Variants in MYPN observed in about 807,000 individuals in gnomAD.
MYPN encodes the protein myopalladin, also known as sarcomeric protein myopalladin, 145 kDa (MYOP).
Under a neutral mutation model 129.4 loss-of-function variants are expected in MYPN, and 63 were observed. That is an observed-to-expected ratio of 0.49 (90% CI 0.40 to 0.60). The LOEUF is 0.60. Among genes scored for constraint, MYPN ranks in the 20% least tolerant of loss-of-function variants. The probability of loss-of-function intolerance (pLI) is 0.00; values close to 1 mark genes in which losing one functional copy is unlikely to be tolerated. For synonymous variants in MYPN, 629 were observed against 600.9 expected (o/e 1.05, Z -0.68); for missense variants, 1,596 against 1,635.4 (o/e 0.98, Z 0.42).
chr10:68,166,815 GC>G, intron 10 of MYPN, 149 bp downstream of exon 10: 1 of 1,151,754 alleles, frequency 8.7e-7, no homozygotes, highest in African/African-American at 1.5e-5. Context: ...GATCGCTTGA[GC>G]CCAGGAATTC....
chr10:68,211,129 G>T lies in MYPN; in HGVS notation c.*674G>T. On this transcript the variant is annotated 3_prime_UTR_variant, in exon 20 of 20. Transcript: ENST00000358913. ...GCACTTATTTTGTGGCCAAAGCATG[G>T]CCTTACCAGCTTGTCTGCACTATTT... is the stretch of plus-strand genomic sequence containing the variant. 2.2e-6 allele frequency: 1 copy of T among 454,038 alleles called. No individual in the cohort carries two copies. Among genetic ancestry groups the T allele is most frequent in the South Asian group, 1.6e-5 (1 of 64,476 alleles). The allele number at this position is 454,038 out of a possible 1,614,324, so 28.1% of individuals were successfully genotyped here.
intron 7 of MYPN, among the ~76,000 whole-genome samples, chr10:68,160,148 C>A (rs10762190): frequency 0.41 from 61,588 of 151,882 alleles, 14,339 homozygotes; most frequent in Non-Finnish European, 0.53. Context: ...TGGCTCACAC[C>A]TGTAATCCCA....
rs1347026037 is a variant in MYPN, at chr10:68,118,450, A to C, written c.-1-2988A>C. On this transcript the variant is annotated intron_variant, in intron 1 of 19. Coordinates refer to ENST00000358913, the MANE Select transcript of MYPN (RefSeq NM_032578.4). ...TGAAGCAGAATTTGGAATTAGATCT[A>C]TCTGGTACCAAGGCCAATGCTCATT... 2.0e-5 allele frequency among the ~76,000 whole-genome samples: 3 copies of C among 152,254 alleles called. No individual in the cohort carries two copies. In the East Asian group the frequency reaches 5.8e-4, roughly 29 times the overall value.
At chr10:68,142,002 T>C (rs1304289693) in intron 2 of MYPN, among the ~76,000 whole-genome samples, 1 of 152,224 alleles carries the variant, frequency 6.6e-6, no homozygotes, top group African/African-American at 2.4e-5. Flanking sequence ...TTTACAATGT[T>C]TTGCTGCTTG....
Position 68,206,853 on chromosome 10 carries a change from C to A in MYPN, c.3743C>A (p.Ala1248Asp). 1 of 1,614,186 alleles carries A rather than the reference C, an allele frequency of 6.2e-7. No homozygotes were observed. Among genetic ancestry groups the A allele is most frequent in the Non-Finnish European group, 8.5e-7 (1 of 1,180,042 alleles). ...KSDAGWYTLS[A>D]KNEAGIVSCT... ...GACGCTGGATGGTACACGTTGTCAG[C>A]CAAGAATGAAGCCGGCATCGTGTCG... The change falls in exon 19 of 20, where the codon GCC becomes GAC. Residue 1248 changes from alanine to aspartate, a missense_variant. Ala to Asp is a moderately radical substitution (Grantham distance 126). Coordinates refer to ENST00000358913, the MANE Select transcript of MYPN (RefSeq NM_032578.4).
chr10:68,138,996 C>T (rs1019132999), intron 2 of MYPN, among the ~76,000 whole-genome samples: 1 of 152,180 alleles, frequency 6.6e-6, no homozygotes, highest in East Asian at 1.9e-4. Flanking sequence ...TGTGTAACTT[C>T]TCCTAAATAT....
chr10:68,164,532 A>G lies in MYPN; in HGVS notation c.1484-1170A>G, dbSNP rs949769625. Among the ~76,000 whole-genome samples, 14 of 152,346 alleles carry G rather than the reference A, an allele frequency of 9.2e-5. No homozygotes were observed. The South Asian group carries it at 1.7e-3, about 18-fold the overall frequency. On this transcript the variant is annotated intron_variant, in intron 8 of 19. Transcript: ENST00000358913. ...TGGCCAGATTTCCTAGAAACAGTCT[A>G]GTTAATTCAATTCAATTATCATGAA...
At chr10:68,137,929 G>T (rs541662985) in intron 2 of MYPN, among the ~76,000 whole-genome samples, 10 of 152,178 alleles carry the variant, frequency 6.6e-5, no homozygotes, top group Non-Finnish European at 1.2e-4. Context: ...TCACACAAGT[G>T]TTCTTCCATA....
rs1213239828 is a variant in MYPN at position 68,211,765 on chromosome 10, C to T, written c.*1310C>T. ...CTTATATTCTGCAGGAATATGCCAC[C>T]CACACACCAGTCCAAACACTGCCCT... On this transcript the variant is annotated 3_prime_UTR_variant, in exon 20 of 20. Transcript: ENST00000358913. 2.2e-6 allele frequency: 1 copy of T among 454,028 alleles called. No individual in the cohort carries two copies. The highest frequency in any genetic ancestry group is 6.9e-5 in the East Asian group (1 of 14,392). 28.1% of individuals were successfully genotyped at this position (454,028 alleles called of 1,614,324 possible).
At chr10:68,130,340 A>C (rs890602044) in intron 2 of MYPN, among the ~76,000 whole-genome samples, 1 of 151,896 alleles carries the variant, frequency 6.6e-6, no homozygotes, top group Non-Finnish European at 1.5e-5. Flanking sequence ...GGCACCTGTA[A>C]TCCCAGCTAC....
intron 1 of MYPN, among the ~76,000 whole-genome samples, chr10:68,116,217 TA>T (rs980534003): frequency 2.0e-5 from 3 of 152,196 alleles, no homozygotes; most frequent in Non-Finnish European, 4.4e-5. Flanking sequence ...TGATTTTTTT[TA>T]AGTACAAATT....
At chr10:68,105,497 G>T (rs2042005058), upstream of MYPN, among the ~76,000 whole-genome samples, 1 of 152,188 alleles carries the variant, frequency 6.6e-6, no homozygotes, top group African/African-American at 2.4e-5. Flanking sequence ...AATTGTTCCA[G>T]ATTTCTTCAG....
At position 68,199,520 on chromosome 10, in the gene MYPN, C is replaced by T. The variant is rs369746212; in HGVS notation, c.3438C>T (p.Cys1146=). 16 of 1,614,058 alleles carry T rather than the reference C, an allele frequency of 9.9e-6. No homozygotes were observed. In the African/African-American group the frequency reaches 1.6e-4, roughly 16 times the overall value. Residue 1146 remains cysteine (C), a synonymous_variant, in exon 17 of 20, where the codon TGC becomes TGT. Coordinates refer to ENST00000358913, the MANE Select transcript of MYPN (RefSeq NM_032578.4). ...LTQRDAGTYK[C]IATNKTGQNS... is the part of the protein sequence containing the mutation. The stretch of plus-strand genomic sequence containing the variant: ...AGCGCGACGCAGGGACCTATAAGTG[C>T]ATCGCTACCAACAAAACCGGGCAGA...
At chr10:68,175,229 T>C in intron 11 of MYPN, 94 bp from the exon 12 acceptor site, 1 of 1,367,966 alleles carries the variant, frequency 7.3e-7, no homozygotes, top group Non-Finnish European at 1.0e-6. Context: ...TGACCGCTGG[T>C]TTCTGGTTGT....
upstream of MYPN, among the ~76,000 whole-genome samples, chr10:68,101,658 TA>T (rs1222076527): frequency 2.6e-5 from 4 of 152,192 alleles, no homozygotes; most frequent in African/African-American, 9.6e-5. Context: ...TTCTTGTTCT[TA>T]ACTCCAGGTT....
chr10:68,199,524 G>T lies in MYPN; in HGVS notation c.3442G>T (p.Ala1148Ser), dbSNP rs200390297. ...QRDAGTYKCI[A>S]TNKTGQNSFS... The stretch of plus-strand genomic sequence containing the variant: ...CGACGCAGGGACCTATAAGTGCATC[G>T]CTACCAACAAAACCGGGCAGAATTC... The change falls in exon 17 of 20, where the codon GCT becomes TCT. Residue 1148 changes from alanine (A) to serine (S), a missense_variant. Physicochemically the swap from Ala to Ser is moderately conservative, Grantham distance 99. Coordinates refer to ENST00000358913, the MANE Select transcript of MYPN (RefSeq NM_032578.4). 1.3e-5 allele frequency: 21 copies of T among 1,613,990 alleles called. No homozygotes were observed. The highest frequency in any genetic ancestry group is 1.8e-5 in the Non-Finnish European group (21 of 1,180,030).
intron 5 of MYPN, among the ~76,000 whole-genome samples, chr10:68,149,413 C>A (rs1464803374): frequency 6.6e-6 from 1 of 152,088 alleles, no homozygotes; most frequent in African/African-American, 2.4e-5. Context: ...TCTAAATATA[C>A]ATATAACATG....
At chr10:68,149,046 C>G (rs575669082) in intron 5 of MYPN, among the ~76,000 whole-genome samples, 2 of 151,890 alleles carry the variant, frequency 1.3e-5, no homozygotes, top group African/African-American at 4.8e-5. Flanking sequence ...GGCAACATAG[C>G]GAGACCCTAT....
chr10:68,115,774 C>T (rs762661445), intron 1 of MYPN, among the ~76,000 whole-genome samples: 1 of 152,156 alleles, frequency 6.6e-6, no homozygotes, highest in Non-Finnish European at 1.5e-5. Context: ...GGCCTTGAAC[C>T]TTTCTGCCCT....
Sources: allele counts gnomAD v4.1 joint callset (sites outside exome capture counted in the v4.1 genomes callset), GRCh38; gene constraint gnomAD v4.1.1; transcripts MANE v1.5; gene names NCBI Gene and HGNC (gene_info 2026-07-23, HGNC 2026-07-21).